Variants in NELL1 observed in about 807,000 individuals in gnomAD.
NELL1 encodes the protein neural EGFL like 1.
In NELL1, 76 loss-of-function variants were observed where a neutral mutation model predicts 107.4. The observed-to-expected ratio is 0.71, with a 90% CI of 0.59 to 0.86. The LOEUF (loss-of-function observed/expected upper bound fraction) is 0.86. Among genes scored for constraint, NELL1 ranks in the 40% least tolerant of loss-of-function variants. NELL1 has a pLI of 0.00. For synonymous variants in NELL1, 353 were observed against 341.2 expected (o/e 1.03, Z -0.38); for missense variants, 1,024 against 1,005.5 (o/e 1.02, Z -0.25).
At chr11:21,024,732 T>G (rs1852776335) in intron 12 of NELL1, among the ~76,000 whole-genome samples, 1 of 152,126 alleles carries the variant, frequency 6.6e-6, no homozygotes, top group South Asian at 2.1e-4. Flanking sequence ...TTCTATCTAT[T>G]TAGTTTCCAG....
chr11:21,426,866 C>T lies in NELL1; in HGVS notation c.1645+55918C>T, dbSNP rs538356893. 7.9e-5 allele frequency among the ~76,000 whole-genome samples: 12 copies of T among 152,210 alleles called. 1 individual carries two copies. In the South Asian group the frequency reaches 1.2e-3, roughly 16 times the overall value. The stretch of plus-strand genomic sequence containing the variant: ...GGTGTCAGAAGATCCAAGAGAATTA[C>T]GACATAGTCCATCTGGAGCACTGGC... On this transcript the variant is annotated intron_variant, in intron 15 of 19. Transcript: ENST00000357134.
At chr11:21,473,325 G>C (rs889279948) in intron 15 of NELL1, among the ~76,000 whole-genome samples, 5 of 151,964 alleles carry the variant, frequency 3.3e-5, no homozygotes, top group East Asian at 1.9e-4. Flanking sequence ...TAAACCTCTT[G>C]AGATTCTTTT....
intron 15 of NELL1, among the ~76,000 whole-genome samples, chr11:21,478,124 G>A (rs912555575): frequency 3.9e-5 from 6 of 152,064 alleles, no homozygotes; most frequent in Admixed American, 2.6e-4. Flanking sequence ...GGAAAAGCAA[G>A]CACTTTCTTC....
At chr11:21,344,878 G>GA (rs5790177) in intron 14 of NELL1, among the ~76,000 whole-genome samples, 2 of 151,482 alleles carry the variant, frequency 1.3e-5, no homozygotes, top group African/African-American at 4.8e-5. Context: ...GCTTCTCCAG[G>GA]AAAAAAAAAA....
intron 14 of NELL1, among the ~76,000 whole-genome samples, chr11:21,252,833 C>T (rs918528955): frequency 6.6e-6 from 1 of 152,096 alleles, no homozygotes; most frequent in Non-Finnish European, 1.5e-5. Flanking sequence ...CTAATCTCTT[C>T]GAAGGCAGCT....
rs774697426 is a variant in NELL1, at chr11:20,947,431, T to C, written c.1167T>C (p.Cys389=). ...ILPENQCCRV[C]RGHNFCAEGP... ...CTGAGAATCAGTGCTGCCGTGTCTG[T>C]AGAGGTAAGTGGGCTTGGTGGTGGG... Residue 389 remains cysteine (C), a synonymous_variant, in exon 11 of 20, where the codon TGT becomes TGC. Coordinates refer to ENST00000357134, the MANE Select transcript of NELL1 (RefSeq NM_006157.5). The C allele has an allele frequency of 3.1e-6, 5 of 1,613,358 alleles. No homozygotes were observed. The African/African-American group carries it at 6.7e-5, about 22-fold the overall frequency.
intron 3 of NELL1, 132 bp from the exon 4 acceptor site, chr11:20,847,443 TGACTTGAG>T: frequency 2.5e-6 from 2 of 794,304 alleles, no homozygotes; most frequent in Admixed American, 6.1e-5. Flanking sequence ...TACAGTGAAT[TGACTTGAG>T]GTCTTGGCTC....
rs764538807 is a variant in NELL1 at position 20,918,227 on chromosome 11, A to G, written c.649A>G (p.Ile217Val). Residue 217 changes from isoleucine (I) to valine (V), a missense_variant, in exon 6 of 20, where the codon ATA becomes GTA. Ile to Val is a conservative substitution (Grantham distance 29, BLOSUM62 3). Coordinates refer to ENST00000357134, the MANE Select transcript of NELL1 (RefSeq NM_006157.5). Reference protein sequence around the residue: ...GKIIFMPNGYITQCPNLNHTC... With the variant: ...GKIIFMPNGYVTQCPNLNHTC... ...GATCATCTTTATGCCGAATGGATAT[A>G]TAACACAGTGTCCAAATCTAAATCA... The G allele has an allele frequency of 1.9e-6, 3 of 1,595,272 alleles. No individual in the cohort carries two copies. The highest frequency in any genetic ancestry group is 2.2e-5 in the South Asian group (2 of 90,614).
At chr11:21,416,476 A>G (rs890281083) in intron 15 of NELL1, among the ~76,000 whole-genome samples, 4 of 152,122 alleles carry the variant, frequency 2.6e-5, no homozygotes, top group African/African-American at 9.6e-5. Flanking sequence ...ATGAGGAGAA[A>G]GAAATGGGGA....
chr11:20,891,595 G>A (rs1167906947), intron 5 of NELL1, among the ~76,000 whole-genome samples: 2 of 151,962 alleles, frequency 1.3e-5, no homozygotes, highest in Non-Finnish European at 2.9e-5. Context: ...AAGACCAATC[G>A]GTATGCTGTA....
intron 14 of NELL1, among the ~76,000 whole-genome samples, chr11:21,253,676 C>T (rs752198967): frequency 6.6e-6 from 1 of 152,084 alleles, no homozygotes; most frequent in Non-Finnish European, 1.5e-5. Flanking sequence ...ACAGCCAGTT[C>T]CATATTAGAC....
Position 21,351,896 on chromosome 11 carries a change from C to T in NELL1, c.1550-18957C>T, listed in dbSNP as rs116984312. Among the ~76,000 whole-genome samples the T allele has an allele frequency of 5.2e-3, 795 of 152,210 alleles. 7 individuals carry two copies. The highest frequency in any genetic ancestry group is 0.017 in the South Asian group (81 of 4,826). On this transcript the variant is annotated intron_variant, in intron 14 of 19. Coordinates refer to ENST00000357134, the MANE Select transcript of NELL1 (RefSeq NM_006157.5). ...AAAATCTTCCAATGCTTCTTAATTG[C>T]GTTCAGAACAATAAAATAAAGTCTT...
chr11:21,229,234 CTG>C, intron 13 of NELL1, 96 bp from the exon 14 acceptor site: 2 of 1,390,408 alleles, frequency 1.4e-6, no homozygotes, highest in Non-Finnish European at 1.0e-6. Flanking sequence ...GTGGTAGTCA[CTG>C]TCATTCTTAT....
intron 15 of NELL1, among the ~76,000 whole-genome samples, chr11:21,527,526 T>C (rs967943764): frequency 1.1e-4 from 16 of 152,248 alleles, no homozygotes; most frequent in African/African-American, 1.9e-4. Flanking sequence ...CAGGGTTCTC[T>C]AAAGGGACAG....
At chr11:21,567,916 C>A (rs996962887) in intron 17 of NELL1, among the ~76,000 whole-genome samples, 32 of 151,842 alleles carry the variant, frequency 2.1e-4, no homozygotes, top group African/African-American at 7.5e-4. Context: ...AAACAGCCAA[C>A]TGCCCAAGAT....
At position 21,048,489 on chromosome 11, in the gene NELL1, A is replaced by G. The variant is rs993980344; in HGVS notation, c.1301-65100A>G. Among the ~76,000 whole-genome samples the G allele has an allele frequency of 4.2e-4, 64 of 151,836 alleles. 1 individual carries two copies. Among genetic ancestry groups the G allele is most frequent in the Non-Finnish European group, 8.8e-5 (6 of 67,960 alleles). On this transcript the variant is annotated intron_variant, in intron 12 of 19. Transcript: ENST00000357134. ...TGTTGATGTCTTTGTTCCTTTTACA[A>G]TCCTCTCTTGGATAATGTAACCATG... is the stretch of plus-strand genomic sequence containing the variant.
chr11:20,910,311 C>A (rs542713356), intron 5 of NELL1, among the ~76,000 whole-genome samples: 2 of 152,290 alleles, frequency 1.3e-5, no homozygotes, highest in African/African-American at 4.8e-5. Flanking sequence ...CTTTACTGAT[C>A]AAAGCAAGTC....
At chr11:21,428,558 A>G (rs1852889500) in intron 15 of NELL1, among the ~76,000 whole-genome samples, 1 of 152,164 alleles carries the variant, frequency 6.6e-6, no homozygotes, top group Admixed American at 6.5e-5. Flanking sequence ...GTTTCAGATT[A>G]ATTTGAAATT....
At chr11:21,309,276 A>ATG (rs1565160313) in intron 14 of NELL1, among the ~76,000 whole-genome samples, 1,266 of 15,736 alleles carry the variant, frequency 0.08, 41 homozygotes, top group Admixed American at 0.12. Context: ...ATATATATAT[A>ATG]TATGTATATA....
Sources: allele counts gnomAD v4.1 joint callset (sites outside exome capture counted in the v4.1 genomes callset), GRCh38; gene constraint gnomAD v4.1.1; transcripts MANE v1.5; gene names NCBI Gene and HGNC (gene_info 2026-07-23, HGNC 2026-07-21).